The following NCOA1 variants were observed in gnomAD, a reference collection of about 807,000 sequenced individuals.
The protein encoded by NCOA1 is nuclear receptor coactivator 1.
A neutral mutation model predicts 150.9 loss-of-function variants in NCOA1; 35 were observed. The observed-to-expected ratio is 0.23, with a 90% confidence interval of 0.18 to 0.31. The LOEUF is 0.31. Among genes scored for constraint, NCOA1 ranks in the 10% least tolerant of loss-of-function variants. The pLI, the probability that NCOA1 is intolerant of heterozygous loss-of-function variation, is 1.00. For synonymous variants in NCOA1, 590 were observed against 630.0 expected (o/e 0.94, Z 0.95); for missense variants, 1,491 against 1,749.3 (o/e 0.85, Z 2.63).
intron 3 of NCOA1, among the ~76,000 whole-genome samples, chr2:24,602,715 A>G (rs937064209): frequency 1.8e-4 from 27 of 152,118 alleles, no homozygotes; most frequent in African/African-American, 6.5e-4. Flanking sequence ...TTCTTTAATC[A>G]TTTTATAAAA....
At chr2:24,506,400 A>G (rs1663697531) in intron 1 of NCOA1, among the ~76,000 whole-genome samples, 1 of 152,086 alleles carries the variant, frequency 6.6e-6, no homozygotes, top group Non-Finnish European at 1.5e-5. Context: ...AGGTGATTTA[A>G]TGGCTGAGCT....
At chr2:24,758,992 AAAAC>A (rs945689941) in intron 21 of NCOA1, among the ~76,000 whole-genome samples, 7 of 152,144 alleles carry the variant, frequency 4.6e-5, no homozygotes, top group Admixed American at 3.3e-4. Context: ...CCATCTCAAA[AAAAC>A]AAACAAACAA....
chr2:24,686,593 TC>T, intron 8 of NCOA1, among the ~76,000 whole-genome samples: 1 of 152,302 alleles, frequency 6.6e-6, no homozygotes, highest in South Asian at 2.1e-4. Flanking sequence ...TTATTTCCAT[TC>T]CACAGAGTAT....
At chr2:24,609,837 T>C (rs1000859498) in intron 3 of NCOA1, among the ~76,000 whole-genome samples, 6 of 152,126 alleles carry the variant, frequency 3.9e-5, no homozygotes, top group Non-Finnish European at 8.8e-5. Context: ...TCTCTGAGTA[T>C]TGCTTTTACT....
intron 3 of NCOA1, among the ~76,000 whole-genome samples, chr2:24,629,821 T>TAC (rs1669614546): frequency 2.6e-5 from 3 of 114,360 alleles, no homozygotes; most frequent in Admixed American, 8.3e-5. Flanking sequence ...TACATACATA[T>TAC]ATATATATAT....
chr2:24,582,179 A>C (rs1667218864), intron 2 of NCOA1, among the ~76,000 whole-genome samples: 1 of 152,242 alleles, frequency 6.6e-6, no homozygotes, highest in South Asian at 2.1e-4. Context: ...CTCTGTTTGC[A>C]GATGACATGA....
At chr2:24,653,240 T>C (rs961729982) in intron 4 of NCOA1, among the ~76,000 whole-genome samples, 1 of 152,196 alleles carries the variant, frequency 6.6e-6, no homozygotes, top group Non-Finnish European at 1.5e-5. Flanking sequence ...ATTCAGATCA[T>C]GTAACTGCAG....
chr2:24,539,947 A>G (rs1218512097), intron 1 of NCOA1, among the ~76,000 whole-genome samples: 4 of 152,230 alleles, frequency 2.6e-5, no homozygotes, highest in African/African-American at 9.6e-5. Flanking sequence ...TGAGAACTGC[A>G]TGTAGGAGCC....
At chr2:24,612,822 CT>C (rs796082635) in intron 3 of NCOA1, among the ~76,000 whole-genome samples, 27 of 151,998 alleles carry the variant, frequency 1.8e-4, no homozygotes, top group Middle Eastern at 3.4e-3. Context: ...GATTTTCAAC[CT>C]TTTTTTGGAT....
At chr2:24,690,510 A>G (rs1416092087) in intron 8 of NCOA1, among the ~76,000 whole-genome samples, 3 of 151,606 alleles carry the variant, frequency 2.0e-5, no homozygotes, top group Non-Finnish European at 4.4e-5. Flanking sequence ...AAATTAGCCC[A>G]GCGTGGTGGC....
Position 24,665,814 on chromosome 2 carries a change from C to A in NCOA1, c.155C>A (p.Ala52Asp). 1 of 1,603,542 alleles carries A rather than the reference C, an allele frequency of 6.2e-7. No individual in the cohort carries two copies. Among genetic ancestry groups the A allele is most frequent in the Non-Finnish European group, 8.5e-7 (1 of 1,174,552 alleles). ...YLEELAELLS[A>D]NISDIDSLSV... is the part of the protein sequence containing the mutation. The stretch of plus-strand genomic sequence containing the variant: ...GAAGAACTAGCTGAGTTACTGTCTG[C>A]CAACATTAGTGACATTGACAGCTTG... Residue 52 changes from alanine to aspartate, a missense_variant, in exon 6 of 23, where the codon GCC (alanine) becomes GAC (aspartate). Transcript: ENST00000348332.
At chr2:24,654,976 C>T (rs1670868183) in intron 4 of NCOA1, among the ~76,000 whole-genome samples, 1 of 152,122 alleles carries the variant, frequency 6.6e-6, no homozygotes, top group East Asian at 1.9e-4. Flanking sequence ...CTTCCACTTC[C>T]ACATACCTAA....
At chr2:24,585,736 C>A (rs1667373169) in intron 3 of NCOA1, among the ~76,000 whole-genome samples, 1 of 152,018 alleles carries the variant, frequency 6.6e-6, no homozygotes, top group South Asian at 2.1e-4. Context: ...GTATAGTTTA[C>A]CCAATGTAAG....
At chr2:24,673,289 C>A in intron 6 of NCOA1, 77 bp from the exon 7 acceptor site, 1 of 962,306 alleles carries the variant, frequency 1.0e-6, no homozygotes, top group Non-Finnish European at 1.5e-6. Context: ...TTTGGTGGAT[C>A]TATGTCTTCG....
intron 8 of NCOA1, among the ~76,000 whole-genome samples, chr2:24,689,415 CT>C (rs201291904): frequency 4.2e-4 from 61 of 145,908 alleles, no homozygotes; most frequent in Admixed American, 9.6e-4. Context: ...TTAACGAATC[CT>C]TTTTTTTTTT....
At chr2:24,650,002 A>G (rs888253905) in intron 4 of NCOA1, among the ~76,000 whole-genome samples, 12 of 152,216 alleles carry the variant, frequency 7.9e-5, no homozygotes, top group Non-Finnish European at 2.9e-5. Flanking sequence ...AAAATCTAGT[A>G]TTTTATAGTA....
At chr2:24,736,352 A>C (rs1663303258) in intron 17 of NCOA1, among the ~76,000 whole-genome samples, 1 of 152,188 alleles carries the variant, frequency 6.6e-6, no homozygotes, top group African/African-American at 2.4e-5. Flanking sequence ...AGAGGAGAAT[A>C]ATATAAAGAG....
chr2:24,566,609 A>G (rs1666519369), intron 2 of NCOA1, among the ~76,000 whole-genome samples: 1 of 152,166 alleles, frequency 6.6e-6, no homozygotes, highest in African/African-American at 2.4e-5. Flanking sequence ...CCAGGCTTCA[A>G]GCCTTCTCCG....
At chr2:24,673,801 A>G (rs910562725) in intron 7 of NCOA1, among the ~76,000 whole-genome samples, 3 of 152,210 alleles carry the variant, frequency 2.0e-5, no homozygotes, top group East Asian at 1.9e-4. Flanking sequence ...AGTGTTATCT[A>G]TATGTATACC....
Sources: gnomAD v4.1 joint callset for allele counts (sites outside exome capture counted in the v4.1 genomes callset) on GRCh38, gnomAD v4.1.1 for gene constraint, MANE v1.5 for transcripts, NCBI Gene and HGNC (gene_info 2026-07-23, HGNC 2026-07-21) for gene names.